The following AMOTL1 variants were observed in gnomAD, a reference collection of about 807,000 sequenced individuals.
AMOTL1 encodes the protein angiomotin like 1.
In AMOTL1, 45 loss-of-function variants were observed where a neutral mutation model predicts 102.9. That is an observed-to-expected ratio of 0.44 (90% CI 0.34 to 0.56). AMOTL1 has a LOEUF of 0.56. Ranked by LOEUF, AMOTL1 falls within the 20% of genes least tolerant of loss-of-function variation. The pLI is 0.01. For synonymous variants in AMOTL1, 481 were observed against 484.7 expected, an observed-to-expected ratio of 0.99 and a Z score of 0.10; for missense variants, 1,114 against 1,225.6, an observed-to-expected ratio of 0.91 and a Z score of 1.36.
intron 4 of AMOTL1, among the ~76,000 whole-genome samples, chr11:94,828,756 A>G (rs1952016127): frequency 6.6e-6 from 1 of 152,134 alleles, no homozygotes; most frequent in South Asian, 2.1e-4. Context: ...TGATCTGGGC[A>G]GTTGGGGCTC....
intron 3 of AMOTL1, among the ~76,000 whole-genome samples, chr11:94,758,210 A>G (rs1039176191): frequency 5.3e-5 from 8 of 152,210 alleles, no homozygotes; most frequent in African/African-American, 1.4e-4. Context: ...AAAGATATGG[A>G]GCAGTGCCTA....
chr11:94,771,215 C>A (rs778612481), intron 1 of AMOTL1, among the ~76,000 whole-genome samples: 1 of 149,682 alleles, frequency 6.7e-6, no homozygotes, highest in Non-Finnish European at 1.5e-5. Context: ...ATATAAAATT[C>A]CCCCAAAGTA....
Position 94,754,765 on chromosome 11 carries a change from TA to T in AMOTL1, c.136+13781del, listed in dbSNP as rs58519214. 5.9e-3 allele frequency among the ~76,000 whole-genome samples: 904 copies of T among 152,316 alleles called. 10 individuals are homozygous for T. Among genetic ancestry groups the T allele is most frequent in the African/African-American group, 0.021 (870 of 41,580 alleles). On this transcript the variant is annotated intron_variant, in intron 3 of 4. Transcript: ENST00000299004. ...GTTGGTATTTGCCAGACTTAGGAAA[TA>T]AAACACAGGAGACCCAGTCAAATTT...
intron 1 of AMOTL1, among the ~76,000 whole-genome samples, chr11:94,787,736 A>C: frequency 6.9e-6 from 1 of 144,650 alleles, no homozygotes; most frequent in Non-Finnish European, 1.5e-5. Flanking sequence ...AAGATACAAA[A>C]CAAAATGCTG....
rs115831501 is a variant in AMOTL1, at chr11:94,790,513, G to A, written c.50-4498G>A. ...TAGGATGAACTTTAGAGTAGTTAGG[G>A]GTGCATGTGAAGCCAGAAGGTGGCA... is the stretch of plus-strand genomic sequence containing the variant. On this transcript the variant is annotated intron_variant, in intron 1 of 12. Coordinates refer to ENST00000433060, the MANE Select transcript of AMOTL1 (RefSeq NM_130847.3). 5.6e-3 allele frequency among the ~76,000 whole-genome samples: 845 copies of A among 152,210 alleles called. 8 individuals are homozygous for A. Among genetic ancestry groups the A allele is most frequent in the African/African-American group, 0.019 (791 of 41,536 alleles).
At chr11:94,713,933 TTAAG>T (rs765210762) in intron 1 of AMOTL1, among the ~76,000 whole-genome samples, 20 of 152,006 alleles carry the variant, frequency 1.3e-4, no homozygotes, top group Non-Finnish European at 2.7e-4. Flanking sequence ...CAGTACTATG[TTAAG>T]TAAGAGAGAT....
chr11:94,793,736 G>C (rs533132990), intron 1 of AMOTL1, among the ~76,000 whole-genome samples: 7 of 152,220 alleles, frequency 4.6e-5, no homozygotes, highest in Non-Finnish European at 1.0e-4. Flanking sequence ...GGAGAAGGCT[G>C]ACAGATACTG....
rs11020921 is a variant in AMOTL1 at position 94,718,576 on chromosome 11, G to A, written c.-50-10345G>A. On this transcript the variant is annotated intron_variant, in intron 1 of 4. Transcript: ENST00000299004. ...ATATCTGTTTCTTCAAATAGTCACC[G>A]TTTCTTGATATTAATCTTTTAAAAC... 7.1e-3 allele frequency among the ~76,000 whole-genome samples: 1,076 copies of A among 151,740 alleles called. 16 individuals carry two copies. Among genetic ancestry groups the A allele is most frequent in the East Asian group, 0.052 (268 of 5,152 alleles).
chr11:94,771,750 G>T (rs1950955947), intron 1 of AMOTL1, among the ~76,000 whole-genome samples: 1 of 152,220 alleles, frequency 6.6e-6, no homozygotes, highest in East Asian at 1.9e-4. Context: ...TAACCTTAGG[G>T]TATATTCATT....
At chr11:94,775,584 T>A (rs945438796) in intron 1 of AMOTL1, among the ~76,000 whole-genome samples, 6 of 152,190 alleles carry the variant, frequency 3.9e-5, no homozygotes, top group African/African-American at 1.4e-4. Flanking sequence ...CACTAGTCAC[T>A]TGTGGCTATT....
At chr11:94,861,571 C>T (rs1952774656) in intron 9 of AMOTL1, among the ~76,000 whole-genome samples, 1 of 152,214 alleles carries the variant, frequency 6.6e-6, no homozygotes, top group African/African-American at 2.4e-5. Flanking sequence ...GGGCTTCTCC[C>T]TCCCTTCCTG....
rs1953024554 is a variant in AMOTL1 at position 94,872,756 on chromosome 11, G to A, written c.*1961G>A. The A allele has an allele frequency of 6.6e-6, 1 of 152,252 alleles. No homozygotes were observed. Among genetic ancestry groups the A allele is most frequent in the African/African-American group, 2.4e-5 (1 of 41,432 alleles). The allele number at this position is 152,252 out of a possible 1,614,324, so 9.4% of individuals were successfully genotyped here. A position where few individuals can be genotyped will look rare whatever the true frequency, so the allele number is the denominator to read the frequency against. The stretch of plus-strand genomic sequence containing the variant: ...GCAGACAGGAAAACTGAGGAGCTCT[G>A]AGAGGCTGAGCATGGAGCTCACCCC... On this transcript the variant is annotated 3_prime_UTR_variant, in exon 13 of 13. Transcript: ENST00000433060.
chr11:94,837,739 G>T (rs1427857827), intron 6 of AMOTL1, among the ~76,000 whole-genome samples: 1 of 152,158 alleles, frequency 6.6e-6, no homozygotes, highest in Non-Finnish European at 1.5e-5. Flanking sequence ...AGTGCCTATT[G>T]GTCATGTGTT....
intron 8 of AMOTL1, among the ~76,000 whole-genome samples, chr11:94,856,052 A>G (rs1460827064): frequency 6.6e-6 from 1 of 151,832 alleles, no homozygotes; most frequent in African/African-American, 2.4e-5. Flanking sequence ...TAAAAATAAC[A>G]TTACAGTTTG....
intron 6 of AMOTL1, among the ~76,000 whole-genome samples, chr11:94,840,681 T>TATATATATATATATATATATATACAC (rs1166713705): frequency 2.9e-5 from 3 of 104,784 alleles, no homozygotes; most frequent in African/African-American, 1.2e-4. Flanking sequence ...TATATATATA[T>TATATATATATATATATATATATACAC]ACACACACAC....
intron 6 of AMOTL1, among the ~76,000 whole-genome samples, chr11:94,834,899 G>T (rs1265497146): frequency 6.6e-6 from 1 of 152,116 alleles, no homozygotes; most frequent in Non-Finnish European, 1.5e-5. Context: ...TCTAAAAACT[G>T]AACTCTGCTC....
chr11:94,789,477 C>A (rs1447198277), intron 1 of AMOTL1, among the ~76,000 whole-genome samples: 1 of 152,186 alleles, frequency 6.6e-6, no homozygotes, highest in Non-Finnish European at 1.5e-5. Flanking sequence ...TTTTTAAAAA[C>A]ATGTGTTGCA....
At position 94,799,890 on chromosome 11, in the gene AMOTL1, C is replaced by A; in HGVS notation, c.700C>A (p.Pro234Thr). 4.4e-6 allele frequency: 7 copies of A among 1,599,200 alleles called. No homozygotes were observed. Among genetic ancestry groups the A allele is most frequent in the Non-Finnish European group, 6.0e-6 (7 of 1,171,844 alleles). ...TCAGAAGTCCCGAACTGAGGGGAGGCCCACTGTGAACCGTGCCAACAGTGG... is the reference window on the plus strand; with the variant it reads ...TCAGAAGTCCCGAACTGAGGGGAGGACCACTGTGAACCGTGCCAACAGTGG... ...TSQKSRTEGR[P>T]TVNRANSGQA... Residue 234 changes from proline (P) to threonine (T), a missense_variant, in exon 3 of 13, where the codon CCC becomes ACC. By Grantham distance (38) the Pro-to-Thr change is conservative. Transcript: ENST00000433060. This position sits in a 1 kb window ranked among gnomAD's most constrained non-coding sequence, Gnocchi z 4.5.
At chr11:94,850,330 C>T in intron 7 of AMOTL1, 71 bp downstream of exon 7, 2 of 1,481,282 alleles carry the variant, frequency 1.4e-6, no homozygotes, top group Non-Finnish European at 1.8e-6. Context: ...ACTTTCTTTT[C>T]CTAACCCACC....
Sources: allele counts gnomAD v4.1 joint callset (sites outside exome capture counted in the v4.1 genomes callset), GRCh38; gene constraint gnomAD v4.1.1; non-coding constraint Gnocchi (gnomAD v3.1); transcripts MANE v1.5; gene names NCBI Gene and HGNC (gene_info 2026-07-23, HGNC 2026-07-21).